Variants in RGS6 observed in about 807,000 individuals in gnomAD.
RGS6 encodes regulator of G-protein signaling 6.
RGS6 carries 30 observed loss-of-function variants against 78.5 expected under a neutral mutation model. That is an observed-to-expected ratio of 0.38 (90% CI 0.29 to 0.52). The LOEUF (loss-of-function observed/expected upper bound fraction) is 0.52, where lower values mean the gene tolerates loss of function less well. Ranked by LOEUF, RGS6 falls within the 20% of genes least tolerant of loss-of-function variation. The pLI is 0.85. For missense variants in RGS6, 495 were observed against 609.7 expected (o/e 0.81, Z 1.98); for synonymous variants, 206 against 206.0 (o/e 1.00, Z 0.00).
chr14:72,191,468 G>A (rs2097324472), intron 2 of RGS6, among the ~76,000 whole-genome samples: 1 of 152,198 alleles, frequency 6.6e-6, no homozygotes. Flanking sequence ...AAGGAAAAAG[G>A]TTTAATGGAC....
At chr14:71,997,933 A>G (rs2082704032) in intron 2 of RGS6, among the ~76,000 whole-genome samples, 1 of 152,220 alleles carries the variant, frequency 6.6e-6, no homozygotes, top group Admixed American at 6.5e-5. Context: ...TGGACCCAGA[A>G]AATCTGAGAT....
At chr14:72,036,200 A>AGTATTATTATTAT (rs138140828) in intron 2 of RGS6, among the ~76,000 whole-genome samples, 3 of 146,800 alleles carry the variant, frequency 2.0e-5, no homozygotes, top group Non-Finnish European at 3.0e-5. Flanking sequence ...GCATGTAAAC[A>AGTATTATTATTAT]TATTATTATT....
chr14:72,070,829 C>G (rs1456463344), intron 2 of RGS6, among the ~76,000 whole-genome samples: 2 of 152,224 alleles, frequency 1.3e-5, no homozygotes, highest in African/African-American at 2.4e-5. Context: ...CAGTGCTTAA[C>G]TTACTTCGCA....
intron 2 of RGS6, among the ~76,000 whole-genome samples, chr14:72,154,893 G>A (rs1033544762): frequency 5.3e-5 from 8 of 152,196 alleles, no homozygotes; most frequent in Non-Finnish European, 8.8e-5. Flanking sequence ...GCATGACCAT[G>A]TTCCCAAGCA....
At chr14:72,121,567 G>C (rs574635267) in intron 2 of RGS6, among the ~76,000 whole-genome samples, 52 of 152,314 alleles carry the variant, frequency 3.4e-4, no homozygotes, top group Non-Finnish European at 4.6e-4. Flanking sequence ...TATATGAAAA[G>C]CATCGCTAAG....
At chr14:72,604,240 C>T in the RGS6 span, among the ~76,000 whole-genome samples, 2 of 152,176 alleles carry the variant, frequency 1.3e-5, no homozygotes, top group African/African-American at 2.4e-5. Context: ...GTTTAAGACA[C>T]AGGTCCCAGA....
At chr14:72,465,622 GTGGATGGATGGATGGATGGATGGA>G (rs551039934) in intron 6 of RGS6, 112 bp from the exon 7 acceptor site, 15 of 355,536 alleles carry the variant, frequency 4.2e-5, no homozygotes, top group Admixed American at 3.4e-4. Flanking sequence ...GGGTGGATGG[GTGGATGGATGGATGGATGGATGGA>G]TGGATGGATG....
At chr14:72,514,167 C>G (rs1455328738) in intron 14 of RGS6, 1 of 152,062 alleles carries the variant, frequency 6.6e-6, no homozygotes, top group Non-Finnish European at 1.5e-5. Flanking sequence ...ACGTAGGCAC[C>G]CCGGAATTTT....
chr14:72,290,436 C>T (rs959938630), intron 2 of RGS6, among the ~76,000 whole-genome samples: 1 of 152,202 alleles, frequency 6.6e-6, no homozygotes, highest in Non-Finnish European at 1.5e-5. Flanking sequence ...TGACCTTCTG[C>T]CAGCCCTCTT....
intron 2 of RGS6, among the ~76,000 whole-genome samples, chr14:71,970,822 A>G (rs2153073851): frequency 6.6e-6 from 1 of 152,298 alleles, no homozygotes; most frequent in Admixed American, 6.5e-5. Context: ...ACTGAGGGGC[A>G]TGGGAGGAGG....
chr14:71,930,984 A>T (rs2087816332), upstream of RGS6, among the ~76,000 whole-genome samples: 1 of 73,404 alleles, frequency 1.4e-5, no homozygotes. Flanking sequence ...TCTCAAAAAA[A>T]AAAAAAAAAA....
the RGS6 span, among the ~76,000 whole-genome samples, chr14:71,881,334 T>C: frequency 2.6e-5 from 4 of 152,268 alleles, no homozygotes; most frequent in East Asian, 1.9e-4. Context: ...TGGAAAGGCA[T>C]GATTGGTTGT....
chr14:71,904,870 C>T, the RGS6 span, among the ~76,000 whole-genome samples: 2 of 152,092 alleles, frequency 1.3e-5, no homozygotes, highest in Admixed American at 6.5e-5. Context: ...CTTTTAACAA[C>T]GATAGTGCAT....
rs184795995 is a variant in RGS6 at position 72,394,904 on chromosome 14, C to T, written c.184+42710C>T. 3.3e-5 allele frequency among the ~76,000 whole-genome samples: 5 copies of T among 152,248 alleles called. No individual in the cohort carries two copies. In the East Asian group the frequency reaches 9.6e-4, roughly 29 times the overall value. On this transcript the variant is annotated intron_variant, in intron 3 of 17. Transcript: ENST00000553525. ...GTTCAGAGATTGCAGTAAAGACAGG[C>T]ATAAGAAATTATAAAAGTATTAATT...
chr14:72,357,043 G>A (rs996183127), intron 3 of RGS6, among the ~76,000 whole-genome samples: 5 of 152,154 alleles, frequency 3.3e-5, no homozygotes, highest in Admixed American at 6.5e-5. Context: ...GGCCATGGCA[G>A]GTGGATCATT....
chr14:72,105,627 C>T (rs1301575327), intron 2 of RGS6, among the ~76,000 whole-genome samples: 1 of 152,076 alleles, frequency 6.6e-6, no homozygotes, highest in East Asian at 1.9e-4. Flanking sequence ...ATGACTAAAG[C>T]TTAGTCTCTG....
the RGS6 span, among the ~76,000 whole-genome samples, chr14:71,870,745 A>T: frequency 1.3e-5 from 2 of 152,180 alleles, no homozygotes; most frequent in African/African-American, 4.8e-5. Flanking sequence ...GCAGCCAGGG[A>T]TGACAACCAG....
chr14:72,018,552 A>G (rs1049467691), intron 2 of RGS6, among the ~76,000 whole-genome samples: 1 of 152,240 alleles, frequency 6.6e-6, no homozygotes, highest in Admixed American at 6.5e-5. Context: ...AATGTTCCAG[A>G]GGCGGTGGTC....
chr14:72,325,382 C>G (rs1450043547), intron 2 of RGS6, among the ~76,000 whole-genome samples: 1 of 152,146 alleles, frequency 6.6e-6, no homozygotes, highest in African/African-American at 2.4e-5. Flanking sequence ...TCAATTTTGG[C>G]TTTTGTTGCC....
Sources: allele counts gnomAD v4.1 joint callset (sites outside exome capture counted in the v4.1 genomes callset), GRCh38; gene constraint gnomAD v4.1.1; transcripts MANE v1.5; gene names NCBI Gene and HGNC (gene_info 2026-07-23, HGNC 2026-07-21).